PTPRM: variants seen among roughly 807,000 people sequenced by gnomAD.
PTPRM encodes the protein receptor-type tyrosine-protein phosphatase mu.
A neutral mutation model predicts 186.7 loss-of-function variants in PTPRM; 47 were observed. That is an observed-to-expected ratio of 0.25 (90% CI 0.20 to 0.32). The LOEUF is 0.32. PTPRM is among the 10% of genes least tolerant of loss of function. The pLI, the probability that PTPRM is intolerant of heterozygous loss-of-function variation, is 1.00. For synonymous variants in PTPRM, 668 were observed against 674.9 expected (o/e 0.99, Z 0.16); for missense variants, 1,494 against 1,865.0 (o/e 0.80, Z 3.66).
At chr18:7,638,673 G>T (rs959380427) in intron 1 of PTPRM, among the ~76,000 whole-genome samples, 4 of 152,114 alleles carry the variant, frequency 2.6e-5, no homozygotes, top group Admixed American at 2.6e-4. Flanking sequence ...TACAGTTTTA[G>T]TGCATTTGTT....
intron 24 of PTPRM, among the ~76,000 whole-genome samples, chr18:8,373,203 A>G (rs1274917119): frequency 1.3e-5 from 2 of 152,228 alleles, no homozygotes; most frequent in Non-Finnish European, 2.9e-5. Context: ...AAACTTTCTC[A>G]TTAGAAAGGA....
intron 19 of PTPRM, among the ~76,000 whole-genome samples, chr18:8,289,533 TACAC>T (rs1221160376): frequency 5.2e-5 from 5 of 96,922 alleles, no homozygotes; most frequent in African/African-American, 1.5e-4. Context: ...TACATATATA[TACAC>T]ATATATATAT....
At chr18:8,037,736 A>G (rs1037620189) in intron 7 of PTPRM, among the ~76,000 whole-genome samples, 3 of 152,078 alleles carry the variant, frequency 2.0e-5, no homozygotes, top group Non-Finnish European at 2.9e-5. Context: ...GGTGCTCTCT[A>G]AAGGCTGAGT....
At chr18:8,309,638 A>G (rs2095253059) in intron 20 of PTPRM, among the ~76,000 whole-genome samples, 1 of 152,156 alleles carries the variant, frequency 6.6e-6, no homozygotes, top group Non-Finnish European at 1.5e-5. Context: ...CAGCCTCCCT[A>G]GGACTACAGG....
intron 4 of PTPRM, among the ~76,000 whole-genome samples, chr18:7,915,380 A>C (rs2050494744): frequency 6.6e-6 from 1 of 152,080 alleles, no homozygotes. Flanking sequence ...TTTGAATATG[A>C]GATAGATTGA....
intron 1 of PTPRM, among the ~76,000 whole-genome samples, chr18:7,664,098 G>A (rs1283461374): frequency 6.6e-6 from 1 of 152,230 alleles, no homozygotes; most frequent in Admixed American, 6.5e-5. Flanking sequence ...TGTCATACAT[G>A]TCAGGGTTCT....
At chr18:7,896,626 T>C (rs1425316281) in intron 3 of PTPRM, among the ~76,000 whole-genome samples, 3 of 152,212 alleles carry the variant, frequency 2.0e-5, no homozygotes, top group Non-Finnish European at 4.4e-5. Flanking sequence ...TTATCAAATA[T>C]GAGAGCCTTG....
At position 8,378,384 on chromosome 18, in the gene PTPRM, A is replaced by G. The variant is rs34661117; in HGVS notation, c.3582A>G (p.Thr1194=). ...YYDMNKLDPQ[T]NSSQIKEEFR... ...ACATGAACAAACTGGATCCACAGAC[A>G]AACTCAAGCCAGATTAAAGAGGAAT... The change falls in exon 27 of 33, where the codon ACA becomes ACG. Residue 1194 remains threonine (T), a synonymous_variant. Transcript: ENST00000580170. The G allele has an allele frequency of 1.7e-4, 278 of 1,614,190 alleles. No individual in the cohort carries two copies. The African/African-American group carries it at 3.3e-3, about 19-fold the overall frequency.
chr18:8,206,706 T>C (rs1019546939), intron 14 of PTPRM, among the ~76,000 whole-genome samples: 14 of 152,142 alleles, frequency 9.2e-5, no homozygotes, highest in African/African-American at 3.4e-4. Context: ...CACAACTTCA[T>C]TAATAAGCAA....
At chr18:8,243,291 T>G (rs569820061) in intron 14 of PTPRM, among the ~76,000 whole-genome samples, 7 of 152,244 alleles carry the variant, frequency 4.6e-5, no homozygotes, top group African/African-American at 1.7e-4. Context: ...TCTCTTCCAC[T>G]GAAAGAGGGA....
chr18:8,004,081 A>G (rs896312530), intron 7 of PTPRM, among the ~76,000 whole-genome samples: 2 of 152,154 alleles, frequency 1.3e-5, no homozygotes, highest in African/African-American at 4.8e-5. Flanking sequence ...CCTATTCAGG[A>G]ATTTCATAGG....
chr18:8,156,481 G>A (rs2093124196), intron 14 of PTPRM, among the ~76,000 whole-genome samples: 3 of 152,156 alleles, frequency 2.0e-5, no homozygotes, highest in African/African-American at 4.8e-5. Context: ...GTACTGCATA[G>A]GGGATGCGGT....
chr18:8,348,986 G>T (rs1046413431), intron 23 of PTPRM, among the ~76,000 whole-genome samples: 1 of 152,136 alleles, frequency 6.6e-6, no homozygotes, highest in African/African-American at 2.4e-5. Context: ...TGGATTCTTG[G>T]ATATTTTCCA....
chr18:8,163,730 A>C (rs1568448439), intron 14 of PTPRM, among the ~76,000 whole-genome samples: 1 of 152,226 alleles, frequency 6.6e-6, no homozygotes, highest in Non-Finnish European at 1.5e-5. Flanking sequence ...TCATAGTTTC[A>C]GTGGTCAAAA....
At chr18:8,083,922 G>A (rs1194746111) in intron 9 of PTPRM, among the ~76,000 whole-genome samples, 1 of 152,130 alleles carries the variant, frequency 6.6e-6, no homozygotes. Flanking sequence ...AAGTAAGTTT[G>A]GAGAAGGTGA....
chr18:7,839,132 A>G (rs1273395656), intron 2 of PTPRM, among the ~76,000 whole-genome samples: 1 of 152,172 alleles, frequency 6.6e-6, no homozygotes, highest in Non-Finnish European at 1.5e-5. Context: ...TCCAAGAGTC[A>G]AGTCCTGGAA....
intron 14 of PTPRM, among the ~76,000 whole-genome samples, chr18:8,190,060 ATGTTT>A (rs2093691186): frequency 6.6e-6 from 1 of 152,186 alleles, no homozygotes. Flanking sequence ...GTACAATATA[ATGTTT>A]TGATATATGT....
chr18:7,950,293 AGTC>A, intron 6 of PTPRM, among the ~76,000 whole-genome samples: 1 of 152,188 alleles, frequency 6.6e-6, no homozygotes, highest in African/African-American at 2.4e-5. Flanking sequence ...ACTCCCAGCT[AGTC>A]AGGAGGCTGA....
rs191258130 is a variant in PTPRM at position 8,229,611 on chromosome 18, T to C, written c.2301-14447T>C. Among the ~76,000 whole-genome samples the C allele has an allele frequency of 1.8e-3, 281 of 152,304 alleles. 2 individuals carry two copies. The South Asian group carries it at 0.025, about 14-fold the overall frequency. On this transcript the variant is annotated intron_variant, in intron 14 of 32. Coordinates refer to ENST00000580170, the MANE Select transcript of PTPRM (RefSeq NM_001105244.2). ...ACATCATCATGATTCTTTTGTTTAT[T>C]GTAATTTAATTATCATCTCAGAGTC... is the stretch of plus-strand genomic sequence containing the variant.
Sources: gnomAD v4.1 joint callset for allele counts (sites outside exome capture counted in the v4.1 genomes callset) on GRCh38, gnomAD v4.1.1 for gene constraint, MANE v1.5 for transcripts, NCBI Gene and HGNC (gene_info 2026-07-23, HGNC 2026-07-21) for gene names.